The following EYS variants were observed in gnomAD, a reference collection of about 807,000 sequenced individuals.
The protein encoded by EYS is EGF-like photoreceptor maintenance factor.
EYS carries 250 observed loss-of-function variants against 282.1 expected under a neutral mutation model. That is an observed-to-expected ratio of 0.89 (90% CI 0.80 to 0.98). EYS has a LOEUF of 0.98. Among genes scored for constraint, EYS ranks in the 50% least tolerant of loss-of-function variants. The pLI is 0.00. For synonymous variants in EYS, 1,355 were observed against 1,282.9 expected (o/e 1.06, Z -1.20); for missense variants, 4,016 against 3,709.0 (o/e 1.08, Z -2.15).
intron 5 of EYS, among the ~76,000 whole-genome samples, chr6:65,447,967 G>C (rs1389983829): frequency 6.6e-6 from 1 of 152,068 alleles, no homozygotes; most frequent in Non-Finnish European, 1.5e-5. Flanking sequence ...GTGATGTAGT[G>C]TGTGAATTAG....
At chr6:63,933,839 A>T (rs1309651034) in intron 35 of EYS, among the ~76,000 whole-genome samples, 1 of 152,160 alleles carries the variant, frequency 6.6e-6, no homozygotes, top group Non-Finnish European at 1.5e-5. Context: ...TGAGAGAGAG[A>T]CACACACACA....
chr6:65,644,555 A>G (rs1229671201), intron 1 of EYS, among the ~76,000 whole-genome samples: 1 of 152,124 alleles, frequency 6.6e-6, no homozygotes, highest in Non-Finnish European at 1.5e-5. Flanking sequence ...AATACAAAAC[A>G]CTCAAAGAAC....
At chr6:63,985,402 AG>A (rs1459716643) in intron 34 of EYS, among the ~76,000 whole-genome samples, 1 of 151,714 alleles carries the variant, frequency 6.6e-6, no homozygotes, top group African/African-American at 2.4e-5. Flanking sequence ...AAGAACTGTA[AG>A]ACATTTCTGT....
At chr6:65,465,188 T>C (rs1411715620) in intron 5 of EYS, among the ~76,000 whole-genome samples, 1 of 151,944 alleles carries the variant, frequency 6.6e-6, no homozygotes, top group Non-Finnish European at 1.5e-5. Context: ...CAGAAACCAG[T>C]TGTGGTGCTT....
intron 19 of EYS, among the ~76,000 whole-genome samples, chr6:64,840,357 A>G (rs1450809571): frequency 6.6e-6 from 1 of 152,130 alleles, no homozygotes; most frequent in Non-Finnish European, 1.5e-5. Context: ...CTTGCAGTCT[A>G]TGATTTCTGA....
chr6:65,671,262 G>A (rs1178316365), intron 1 of EYS, among the ~76,000 whole-genome samples: 1 of 151,908 alleles, frequency 6.6e-6, no homozygotes, highest in African/African-American at 2.4e-5. Flanking sequence ...ATTTGTAAAT[G>A]TTTCTATTTT....
chr6:65,362,731 T>A (rs1039941600), intron 8 of EYS, among the ~76,000 whole-genome samples: 7 of 152,022 alleles, frequency 4.6e-5, no homozygotes, highest in African/African-American at 1.7e-4. Flanking sequence ...TCTTTAAAAA[T>A]TTCTACATTA....
At chr6:64,401,390 TA>T (rs1561974229) in intron 28 of EYS, among the ~76,000 whole-genome samples, 2 of 152,174 alleles carry the variant, frequency 1.3e-5, no homozygotes, top group East Asian at 3.9e-4. Flanking sequence ...CCATCAGTCA[TA>T]AAAATATAAA....
chr6:65,677,292 T>G (rs111825355), intron 1 of EYS, among the ~76,000 whole-genome samples: 3 of 151,738 alleles, frequency 2.0e-5, no homozygotes, highest in Non-Finnish European at 2.9e-5. Flanking sequence ...TATATTCACA[T>G]AGGATATGAC....
At chr6:65,195,479 C>G (rs1765742455) in intron 12 of EYS, among the ~76,000 whole-genome samples, 1 of 151,960 alleles carries the variant, frequency 6.6e-6, no homozygotes, top group Non-Finnish European at 1.5e-5. Flanking sequence ...ATTTCATTGT[C>G]ATATTGCATA....
At chr6:64,580,872 A>G (rs1283466882) in intron 26 of EYS, among the ~76,000 whole-genome samples, 1 of 152,114 alleles carries the variant, frequency 6.6e-6, no homozygotes, top group Non-Finnish European at 1.5e-5. Context: ...AATATAATTC[A>G]TAGTATTTTT....
intron 11 of EYS, among the ~76,000 whole-genome samples, chr6:65,321,135 A>C (rs1769464082): frequency 6.7e-6 from 1 of 148,534 alleles, no homozygotes; most frequent in African/African-American, 2.5e-5. Context: ...ACTAGTAGAG[A>C]GTATGAAAGC....
At chr6:65,208,246 A>G (rs1766085688) in intron 12 of EYS, among the ~76,000 whole-genome samples, 1 of 151,768 alleles carries the variant, frequency 6.6e-6, no homozygotes, top group African/African-American at 2.4e-5. Flanking sequence ...ATTAAACCAA[A>G]TTGAGAAATC....
At chr6:65,415,812 A>G (rs530921402) in intron 5 of EYS, among the ~76,000 whole-genome samples, 1 of 152,192 alleles carries the variant, frequency 6.6e-6, no homozygotes, top group East Asian at 1.9e-4. Context: ...TGCTTAGCAT[A>G]TTGAGAGAAA....
chr6:65,641,561 AAGT>A (rs1767276560), intron 1 of EYS, among the ~76,000 whole-genome samples: 1 of 152,168 alleles, frequency 6.6e-6, no homozygotes, highest in African/African-American at 2.4e-5. Flanking sequence ...TAGTTGTCTA[AAGT>A]TTTAGTGCTA....
Position 64,676,316 on chromosome 6 carries a change from C to CTATA in EYS, c.3444-50075_3444-50072dup, listed in dbSNP as rs199984162. On this transcript the variant is annotated intron_variant, in intron 22 of 42. Transcript: ENST00000503581. Reference sequence around the variant, plus strand: ...ATATCTATATCTATATCCAATATATCTATATATATATATCTATATATCTAT... The same window carrying CTATA: ...ATATCTATATCTATATCCAATATATCTATATATATATATATATCTATATATCTAT... 5.2e-3 allele frequency among the ~76,000 whole-genome samples: 616 copies of CTATA among 119,010 alleles called. 7 individuals are homozygous for CTATA. In the East Asian group the frequency reaches 0.053, roughly 10 times the overall value. 78.1% of individuals were successfully genotyped at this position (119,010 alleles called of 152,430 possible). A position where few individuals can be genotyped will look rare whatever the true frequency, so the allele number is the denominator to read the frequency against.
At chr6:64,166,616 G>A (rs958874271) in intron 31 of EYS, among the ~76,000 whole-genome samples, 8 of 152,094 alleles carry the variant, frequency 5.3e-5, no homozygotes, top group African/African-American at 4.8e-5. Flanking sequence ...TAACAAAGAG[G>A]GATATCTCCA....
At chr6:64,179,511 AC>A (rs1764730634) in intron 31 of EYS, among the ~76,000 whole-genome samples, 1 of 152,108 alleles carries the variant, frequency 6.6e-6, no homozygotes, top group South Asian at 2.1e-4. Flanking sequence ...TGATATTCAC[AC>A]GGCTTCAATA....
chr6:64,056,264 A>G (rs544052358), intron 33 of EYS, among the ~76,000 whole-genome samples: 10 of 152,294 alleles, frequency 6.6e-5, no homozygotes, highest in Admixed American at 4.6e-4. Flanking sequence ...ATTAAGTTTC[A>G]GGGGCTGAGA....
Sources: allele counts gnomAD v4.1 joint callset (sites outside exome capture counted in the v4.1 genomes callset), GRCh38; gene constraint gnomAD v4.1.1; transcripts MANE v1.5; gene names NCBI Gene and HGNC (gene_info 2026-07-23, HGNC 2026-07-21).